The following THSD4 variants were observed in gnomAD, a reference collection of about 807,000 sequenced individuals.
THSD4 encodes thrombospondin type-1 domain-containing protein 4.
Under a neutral mutation model 119.0 loss-of-function variants are expected in THSD4, and 69 were observed. That is an observed-to-expected ratio of 0.58 (90% CI 0.48 to 0.71). The LOEUF is 0.71. Ranked by LOEUF, THSD4 falls within the 30% of genes least tolerant of loss-of-function variation. The pLI is 0.00. For synonymous variants in THSD4, 524 were observed against 540.4 expected, an observed-to-expected ratio of 0.97 and a Z score of 0.42; for missense variants, 1,393 against 1,391.1, an observed-to-expected ratio of 1.00 and a Z score of -0.02.
intron 7 of THSD4, among the ~76,000 whole-genome samples, chr15:71,597,860 G>A (rs2049934482): frequency 6.6e-6 from 1 of 152,158 alleles, no homozygotes; most frequent in African/African-American, 2.4e-5. Flanking sequence ...GAACACCTCT[G>A]TGTCAGCCCC....
At chr15:71,135,216 GTGGGGTGGGGGT>G (rs2040538280) in intron 1 of THSD4, among the ~76,000 whole-genome samples, 1 of 109,260 alleles carries the variant, frequency 9.2e-6, no homozygotes, top group South Asian at 3.8e-4. Context: ...GGGGACTGTG[GTGGGGTGGGGGT>G]AGGGGGGAGG....
intron 6 of THSD4, among the ~76,000 whole-genome samples, chr15:71,340,111 A>G (rs1338304311): frequency 6.6e-6 from 1 of 152,096 alleles, no homozygotes; most frequent in Non-Finnish European, 1.5e-5. Context: ...AGGCTTCATT[A>G]TTGCATTTGG....
At chr15:71,216,475 A>G (rs1360614042) in intron 4 of THSD4, among the ~76,000 whole-genome samples, 1 of 152,224 alleles carries the variant, frequency 6.6e-6, no homozygotes, top group African/African-American at 2.4e-5. Flanking sequence ...CGACACATCC[A>G]GCCTCCCCAG....
intron 8 of THSD4, among the ~76,000 whole-genome samples, chr15:71,673,187 G>A (rs1042381201): frequency 9.9e-5 from 15 of 152,050 alleles, no homozygotes; most frequent in Non-Finnish European, 1.5e-4. Context: ...GTCTATTCAG[G>A]GATTCAACTT....
At position 71,542,896 on chromosome 15, in the gene THSD4, C is replaced by CA. The variant is rs997211655; in HGVS notation, c.1153-117626dup. On this transcript the variant is annotated intron_variant, in intron 7 of 17. Coordinates refer to ENST00000261862, the MANE Select transcript of THSD4 (RefSeq NM_024817.3). Reference sequence around the variant, plus strand: ...TGTCTCAAAAAAAAAAACAAAAAAACAAAAAAAACAAATTGAAGGATAATC... The same window carrying CA: ...TGTCTCAAAAAAAAAAACAAAAAAACAAAAAAAAACAAATTGAAGGATAATC... Among the ~76,000 whole-genome samples the CA allele has an allele frequency of 5.0e-4, 74 of 149,246 alleles. No homozygotes were observed. In the South Asian group the frequency reaches 8.6e-3, roughly 17 times the overall value.
intron 7 of THSD4, among the ~76,000 whole-genome samples, chr15:71,579,452 T>G (rs2049518081): frequency 6.6e-6 from 1 of 152,144 alleles, no homozygotes; most frequent in Non-Finnish European, 1.5e-5. Context: ...AGTAAACAAG[T>G]CCCCAGAAGA....
At chr15:71,329,396 A>T (rs1010762813) in intron 6 of THSD4, among the ~76,000 whole-genome samples, 6 of 152,150 alleles carry the variant, frequency 3.9e-5, no homozygotes, top group African/African-American at 1.4e-4. Flanking sequence ...GTTGGAGAGA[A>T]AGGTTGCCAG....
intron 5 of THSD4, among the ~76,000 whole-genome samples, chr15:71,245,653 TTC>T (rs1213221558): frequency 1.3e-5 from 2 of 152,198 alleles, no homozygotes; most frequent in African/African-American, 4.8e-5. Flanking sequence ...CATGTAAAAG[TTC>T]TATACCAGAG....
intron 6 of THSD4, among the ~76,000 whole-genome samples, chr15:71,291,992 T>G (rs544356822): frequency 6.6e-6 from 1 of 152,290 alleles, no homozygotes; most frequent in Admixed American, 6.5e-5. Context: ...TAATAGCTTC[T>G]CAAGAAAGGG....
At chr15:71,283,742 A>G (rs1468994779) in intron 6 of THSD4, among the ~76,000 whole-genome samples, 1 of 152,220 alleles carries the variant, frequency 6.6e-6, no homozygotes, top group African/African-American at 2.4e-5. Flanking sequence ...AAGATTGGTC[A>G]TCATGGGAAA....
intron 1 of THSD4, among the ~76,000 whole-genome samples, chr15:71,105,702 C>T (rs1031921448): frequency 6.6e-6 from 1 of 152,214 alleles, no homozygotes; most frequent in African/African-American, 2.4e-5. Flanking sequence ...ATCCTATTTT[C>T]TTTTCCTCTA....
intron 7 of THSD4, among the ~76,000 whole-genome samples, chr15:71,460,120 A>G (rs4332701): frequency 0.2 from 29,995 of 151,994 alleles, 3,332 homozygotes; most frequent in South Asian, 0.38. Context: ...TCTGTGGCCC[A>G]CGATACCAGT....
At chr15:71,699,061 C>CTTAAAATTGCAA (rs2052229042) in intron 8 of THSD4, among the ~76,000 whole-genome samples, 1 of 151,932 alleles carries the variant, frequency 6.6e-6, no homozygotes, top group Non-Finnish European at 1.5e-5. Context: ...AAAGAGTAGA[C>CTTAAAATTGCAA]CTTATTTTTA....
intron 7 of THSD4, among the ~76,000 whole-genome samples, chr15:71,470,487 A>G (rs1023783823): frequency 2.6e-5 from 4 of 152,194 alleles, no homozygotes; most frequent in Non-Finnish European, 5.9e-5. Flanking sequence ...TAAGCATTTT[A>G]TGTCTATTAA....
chr15:71,683,695 C>T (rs1335166923), intron 8 of THSD4, among the ~76,000 whole-genome samples: 5 of 152,136 alleles, frequency 3.3e-5, no homozygotes, highest in Non-Finnish European at 5.9e-5. Context: ...TTCAGTCTGG[C>T]CAGGCTCAGT....
chr15:71,663,228 G>A (rs982836976), intron 8 of THSD4, among the ~76,000 whole-genome samples: 13 of 151,832 alleles, frequency 8.6e-5, no homozygotes, highest in African/African-American at 3.1e-4. Flanking sequence ...CTCCAGCCTG[G>A]GCAATAAAGC....
At chr15:71,164,734 T>A (rs868428716) in intron 3 of THSD4, 2 of 1,579,784 alleles carry the variant, frequency 1.3e-6, no homozygotes, top group Non-Finnish European at 1.7e-6. Flanking sequence ...GTTAAATGCT[T>A]TATAGACAAG....
chr15:71,362,105 C>T (rs146405475), intron 6 of THSD4, among the ~76,000 whole-genome samples: 4 of 152,204 alleles, frequency 2.6e-5, no homozygotes, highest in Admixed American at 6.5e-5. Flanking sequence ...GGCGAAACCC[C>T]ATCTCTACTA....
intron 3 of THSD4, among the ~76,000 whole-genome samples, chr15:71,170,008 T>C (rs1459475709): frequency 6.6e-6 from 1 of 152,108 alleles, no homozygotes; most frequent in African/African-American, 2.4e-5. Context: ...ACCCCATCTC[T>C]ACCAAAAGTA....
Sources: allele counts gnomAD v4.1 joint callset (sites outside exome capture counted in the v4.1 genomes callset), GRCh38; gene constraint gnomAD v4.1.1; transcripts MANE v1.5; gene names NCBI Gene and HGNC (gene_info 2026-07-23, HGNC 2026-07-21).